Variants in LRP1B observed in about 807,000 individuals in gnomAD.
LRP1B encodes the protein LDL receptor related protein 1B.
A neutral mutation model predicts 556.6 loss-of-function variants in LRP1B; 217 were observed. The ratio of observed to expected loss-of-function variants is 0.39; its 90% confidence interval spans 0.35 to 0.44. The LOEUF is 0.44. LRP1B is among the 20% of genes least tolerant of loss of function. The pLI is 1.00. For synonymous variants in LRP1B, 2,047 were observed against 1,865.8 expected (o/e 1.10, Z -2.50); for missense variants, 5,053 against 5,620.8 (o/e 0.90, Z 3.23).
intron 2 of LRP1B, among the ~76,000 whole-genome samples, chr2:141,556,500 A>G (rs1011673550): frequency 3.9e-5 from 6 of 151,914 alleles, no homozygotes; most frequent in African/African-American, 1.4e-4. Flanking sequence ...AAATCTTCAT[A>G]GAGACTTGGT....
intron 1 of LRP1B, among the ~76,000 whole-genome samples, chr2:141,911,268 A>T (rs1469346586): frequency 1.3e-5 from 2 of 152,184 alleles, no homozygotes; most frequent in Admixed American, 1.3e-4. Flanking sequence ...TCTCTCTTTA[A>T]CCACTTCTAT....
At chr2:140,366,304 A>T (rs1382691177) in intron 71 of LRP1B, among the ~76,000 whole-genome samples, 3 of 151,654 alleles carry the variant, frequency 2.0e-5, no homozygotes, top group African/African-American at 4.8e-5. Flanking sequence ...GAGCACATAA[A>T]CATCGTACTC....
chr2:140,878,889 C>G (rs1328213955), intron 25 of LRP1B, among the ~76,000 whole-genome samples: 2 of 151,374 alleles, frequency 1.3e-5, no homozygotes, highest in Non-Finnish European at 2.9e-5. Context: ...CATCTGTAAT[C>G]CCAACTACAG....
At chr2:140,846,493 T>C (rs185754853) in intron 29 of LRP1B, among the ~76,000 whole-genome samples, 36 of 151,046 alleles carry the variant, frequency 2.4e-4, no homozygotes, top group Non-Finnish European at 4.9e-4. Context: ...GGAGGAGGAG[T>C]TTGCAGTGAG....
chr2:141,247,120 C>G (rs545972153), intron 5 of LRP1B, 106 bp downstream of exon 5: 1 of 1,274,928 alleles, frequency 7.8e-7, no homozygotes, highest in Non-Finnish European at 1.1e-6. Flanking sequence ...GCAAATCTCT[C>G]TCTTCAAAGT....
In LRP1B at chr2:141,079,492, A is replaced by C. The variant is rs149814665; in HGVS notation, c.1014-17219T>G. On this transcript the variant is annotated intron_variant, in intron 7 of 90. Transcript: ENST00000389484. ...CAAGTAAAGTGCTACAAAATTGCTA[A>C]CTGAAAGTGAGCACAACAGACTCAC... 4.0e-3 allele frequency among the ~76,000 whole-genome samples: 613 copies of C among 152,352 alleles called. 3 individuals carry two copies. The highest frequency in any genetic ancestry group is 0.014 in the African/African-American group (583 of 41,572).
At chr2:140,511,502 T>A (rs7601578) in intron 51 of LRP1B, among the ~76,000 whole-genome samples, 1 of 151,840 alleles carries the variant, frequency 6.6e-6, no homozygotes, top group Non-Finnish European at 1.5e-5. Flanking sequence ...GGGGTTTCAC[T>A]GTGTTAGCCA....
At chr2:141,610,504 G>C (rs962687143) in intron 2 of LRP1B, among the ~76,000 whole-genome samples, 23 of 151,912 alleles carry the variant, frequency 1.5e-4, no homozygotes, top group African/African-American at 5.6e-4. Flanking sequence ...CTTTTCCTGA[G>C]CTTAGCTTTA....
At chr2:141,756,889 T>C (rs188969272) in intron 2 of LRP1B, among the ~76,000 whole-genome samples, 2 of 152,260 alleles carry the variant, frequency 1.3e-5, no homozygotes, top group Admixed American at 6.5e-5. Flanking sequence ...TCTCACAACA[T>C]ATTCTTGTTA....
At chr2:140,788,957 C>CT (rs1247675883) in intron 32 of LRP1B, among the ~76,000 whole-genome samples, 9 of 152,174 alleles carry the variant, frequency 5.9e-5, no homozygotes, top group African/African-American at 2.2e-4. Flanking sequence ...AGGTGCCCAT[C>CT]TGCTAGCCAT....
At chr2:142,037,980 A>G (rs1253112633) in intron 1 of LRP1B, among the ~76,000 whole-genome samples, 1 of 151,588 alleles carries the variant, frequency 6.6e-6, no homozygotes, top group Non-Finnish European at 1.5e-5. Flanking sequence ...CGAGGCAGCT[A>G]TTCCATATCT....
chr2:141,171,829 A>C (rs1211800140), intron 7 of LRP1B, among the ~76,000 whole-genome samples: 1 of 152,104 alleles, frequency 6.6e-6, no homozygotes, highest in Non-Finnish European at 1.5e-5. Flanking sequence ...AACACTGTGA[A>C]GATTGCGTGG....
At chr2:140,937,865 T>C (rs1695275224) in intron 20 of LRP1B, among the ~76,000 whole-genome samples, 1 of 152,074 alleles carries the variant, frequency 6.6e-6, no homozygotes, top group African/African-American at 2.4e-5. Flanking sequence ...AAATCAAGTT[T>C]TGATAGCCTC....
At chr2:140,672,482 TAAAAA>T (rs55884730) in intron 41 of LRP1B, among the ~76,000 whole-genome samples, 1 of 81,592 alleles carries the variant, frequency 1.2e-5, no homozygotes, top group African/African-American at 5.5e-5. Flanking sequence ...AGACTCCATC[TAAAAA>T]AAAAAAAAAA....
intron 67 of LRP1B, among the ~76,000 whole-genome samples, chr2:140,384,645 G>C (rs187861149): frequency 9.9e-5 from 15 of 152,230 alleles, no homozygotes; most frequent in African/African-American, 2.4e-4. Context: ...AGTTTTGAAA[G>C]TTATCCAAAA....
At chr2:141,905,591 T>C (rs1699731849) in intron 1 of LRP1B, among the ~76,000 whole-genome samples, 1 of 151,304 alleles carries the variant, frequency 6.6e-6, no homozygotes, top group African/African-American at 2.4e-5. Flanking sequence ...TGGAAGTGAG[T>C]ATGGATACTG....
chr2:140,306,012 C>T (rs927937283), intron 83 of LRP1B, among the ~76,000 whole-genome samples: 28 of 148,278 alleles, frequency 1.9e-4, no homozygotes, highest in African/African-American at 6.6e-4. Flanking sequence ...CCCACTTGAT[C>T]ATGGTGGATA....
chr2:141,280,706 A>T (rs1222019823), intron 3 of LRP1B, among the ~76,000 whole-genome samples: 1 of 152,016 alleles, frequency 6.6e-6, no homozygotes, highest in Non-Finnish European at 1.5e-5. Flanking sequence ...TACATTCCTA[A>T]ATTTTCTAAA....
At chr2:141,167,643 T>C (rs1048824704) in intron 7 of LRP1B, among the ~76,000 whole-genome samples, 2 of 151,928 alleles carry the variant, frequency 1.3e-5, no homozygotes, top group Non-Finnish European at 2.9e-5. Context: ...TTATAATATA[T>C]ACAATATAAT....
Sources: gnomAD v4.1 joint callset for allele counts (sites outside exome capture counted in the v4.1 genomes callset) on GRCh38, gnomAD v4.1.1 for gene constraint, MANE v1.5 for transcripts, NCBI Gene and HGNC (gene_info 2026-07-23, HGNC 2026-07-21) for gene names.